Variants in ITPR2 observed in about 807,000 individuals in gnomAD.
ITPR2 encodes the protein inositol 1,4,5-trisphosphate receptor type 2.
In ITPR2, 207 loss-of-function variants were observed where a neutral mutation model predicts 317.1. That is an observed-to-expected ratio of 0.65 (90% confidence interval 0.58 to 0.73). The LOEUF (loss-of-function observed/expected upper bound fraction) is 0.73. ITPR2 is among the 30% of genes least tolerant of loss of function. ITPR2 has a pLI of 0.00. For missense variants in ITPR2, 2,613 were observed against 3,284.0 expected (o/e 0.80, Z 4.99); for synonymous variants, 1,156 against 1,149.1 (o/e 1.01, Z -0.12).
intron 52 of ITPR2, among the ~76,000 whole-genome samples, chr12:26,405,294 G>A (rs1940313425): frequency 1.3e-5 from 2 of 152,158 alleles, no homozygotes; most frequent in Non-Finnish European, 2.9e-5. Flanking sequence ...AACAGTGCTT[G>A]GCGTATAGTT....
chr12:26,804,134 G>T (rs964229426), intron 1 of ITPR2, among the ~76,000 whole-genome samples: 6 of 152,144 alleles, frequency 3.9e-5, no homozygotes, highest in African/African-American at 1.4e-4. Flanking sequence ...AAAGGGAAAA[G>T]CTAAAAAACA....
intron 55 of ITPR2, among the ~76,000 whole-genome samples, chr12:26,352,474 C>T (rs1023152290): frequency 1.3e-5 from 2 of 152,178 alleles, no homozygotes; most frequent in African/African-American, 4.8e-5. Flanking sequence ...TAATCCTTTC[C>T]ACAAATTCAT....
chr12:26,594,631 CTA>C (rs1253700789), intron 32 of ITPR2, among the ~76,000 whole-genome samples: 1 of 151,934 alleles, frequency 6.6e-6, no homozygotes, highest in Non-Finnish European at 1.5e-5. Flanking sequence ...AAGGAGTTAT[CTA>C]TATACTGTCT....
chr12:26,752,407 C>T (rs184850666), intron 2 of ITPR2, among the ~76,000 whole-genome samples: 12 of 152,310 alleles, frequency 7.9e-5, no homozygotes, highest in Non-Finnish European at 1.5e-4. Flanking sequence ...GCTGATAAAA[C>T]AAGTTGCAGT....
At chr12:26,683,617 GTA>G (rs1948076633) in intron 11 of ITPR2, among the ~76,000 whole-genome samples, 1 of 152,186 alleles carries the variant, frequency 6.6e-6, no homozygotes, top group South Asian at 2.1e-4. Context: ...ACAAGGCTAT[GTA>G]TTCGTCAACA....
At position 26,439,218 on chromosome 12, in the gene ITPR2, A is replaced by G; in HGVS notation, c.6552T>C (p.Thr2184=). 1.2e-6 allele frequency: 2 copies of G among 1,612,344 alleles called. No homozygotes were observed. The highest frequency in any genetic ancestry group is 2.2e-5 in the South Asian group (2 of 90,912). ...CTTTACTTCCTTGTTCATCCCTTTC[A>G]GTTGTATTGAACACACGGCACTTGG... ...RESKCRVFNT[T]ERDEQGSKVN... is the part of the protein sequence containing the mutation. Residue 2184 remains threonine, a synonymous_variant, in exon 47 of 57, where the codon ACT becomes ACC. Transcript: ENST00000381340.
intron 55 of ITPR2, among the ~76,000 whole-genome samples, chr12:26,350,591 G>A (rs1287652095): frequency 1.3e-5 from 2 of 152,212 alleles, no homozygotes; most frequent in South Asian, 4.2e-4. Flanking sequence ...GAAAACAGGT[G>A]TGGATACCAA....
chr12:26,771,328 C>G (rs532622550), intron 2 of ITPR2, among the ~76,000 whole-genome samples: 5 of 152,248 alleles, frequency 3.3e-5, no homozygotes, highest in Middle Eastern at 3.4e-3. Flanking sequence ...CCTTTTACCC[C>G]CTTTCTACCA....
intron 55 of ITPR2, among the ~76,000 whole-genome samples, chr12:26,342,635 T>G (rs1298517410): frequency 1.3e-5 from 2 of 152,074 alleles, no homozygotes; most frequent in African/African-American, 4.8e-5. Context: ...AGACTGAGTT[T>G]CACTCTTGTT....
intron 37 of ITPR2, among the ~76,000 whole-genome samples, chr12:26,522,957 G>T (rs762713953): frequency 1.3e-5 from 2 of 152,220 alleles, no homozygotes; most frequent in Non-Finnish European, 2.9e-5. Context: ...GAAGCATTCT[G>T]CATAACATTT....
chr12:26,737,326 G>A, intron 2 of ITPR2, among the ~76,000 whole-genome samples: 1 of 151,558 alleles, frequency 6.6e-6, no homozygotes, highest in East Asian at 1.9e-4. Flanking sequence ...CGCTATCTCA[G>A]CTCACTGCAA....
chr12:26,625,915 C>G (rs1021927653), intron 23 of ITPR2, among the ~76,000 whole-genome samples: 1 of 151,994 alleles, frequency 6.6e-6, no homozygotes, highest in Non-Finnish European at 1.5e-5. Flanking sequence ...TGTCCCACAC[C>G]ACTAACATTT....
intron 34 of ITPR2, among the ~76,000 whole-genome samples, chr12:26,567,615 A>G (rs372578621): frequency 6.6e-6 from 1 of 152,118 alleles, no homozygotes; most frequent in East Asian, 1.9e-4. Flanking sequence ...TTGAGTCAAA[A>G]TCAGTCTGCT....
intron 53 of ITPR2, among the ~76,000 whole-genome samples, chr12:26,399,530 A>C (rs1940102844): frequency 6.6e-6 from 1 of 152,180 alleles, no homozygotes; most frequent in Non-Finnish European, 1.5e-5. Flanking sequence ...CAAATTAGAG[A>C]CCAGGCAATC....
At chr12:26,718,388 CA>C (rs1455809766) in intron 5 of ITPR2, among the ~76,000 whole-genome samples, 1 of 152,046 alleles carries the variant, frequency 6.6e-6, no homozygotes, top group Non-Finnish European at 1.5e-5. Context: ...CCTTCCAATT[CA>C]AGAATACTTT....
Position 26,435,133 on chromosome 12 carries a change from A to G in ITPR2, c.6769+1088T>C, listed in dbSNP as rs190915027. On this transcript the variant is annotated intron_variant, in intron 48 of 56. Transcript: ENST00000381340. The stretch of plus-strand genomic sequence containing the variant: ...ATTACAGCTAAAGTTTAGAACTTTG[A>G]TATCTATGTTACCTGTAATGAACCT... Among the ~76,000 whole-genome samples, 10 of 152,284 alleles carry G rather than the reference A, an allele frequency of 6.6e-5. No homozygotes were observed. The East Asian group carries it at 1.9e-3, about 29-fold the overall frequency.
At chr12:26,491,161 T>G (rs2136863101) in intron 39 of ITPR2, among the ~76,000 whole-genome samples, 1 of 152,150 alleles carries the variant, frequency 6.6e-6, no homozygotes, top group East Asian at 1.9e-4. Flanking sequence ...AGGTGACATA[T>G]TTTAAGCAGA....
At chr12:26,474,758 C>T (rs1591814274) in intron 45 of ITPR2, among the ~76,000 whole-genome samples, 1 of 132,766 alleles carries the variant, frequency 7.5e-6, no homozygotes, top group South Asian at 2.4e-4. Context: ...CCCGCCACTG[C>T]ACTCCAGCCT....
chr12:26,778,150 T>G (rs1233066642), intron 2 of ITPR2, among the ~76,000 whole-genome samples: 3 of 152,140 alleles, frequency 2.0e-5, no homozygotes, highest in African/African-American at 7.2e-5. Flanking sequence ...AACCCCCACA[T>G]TGGCTCCCTG....
Sources: allele counts gnomAD v4.1 joint callset (sites outside exome capture counted in the v4.1 genomes callset), GRCh38; gene constraint gnomAD v4.1.1; transcripts MANE v1.5; gene names NCBI Gene and HGNC (gene_info 2026-07-23, HGNC 2026-07-21).